Variants in INSR observed in about 807,000 individuals in gnomAD.
INSR encodes insulin receptor.
A neutral mutation model predicts 142.6 loss-of-function variants in INSR; 67 were observed. The observed-to-expected ratio is 0.47, with a 90% CI of 0.39 to 0.58. INSR has a LOEUF of 0.58. INSR is among the 20% of genes least tolerant of loss of function. INSR has a pLI of 0.00. For missense variants in INSR, 1,248 were observed against 1,833.2 expected (o/e 0.68, Z 5.83); for synonymous variants, 756 against 743.1 (o/e 1.02, Z -0.28).
intron 12 of INSR, 145 bp downstream of exon 12, chr19:7,142,671 C>A (rs9789298): frequency 1.2e-5 from 12 of 984,684 alleles, no homozygotes; most frequent in African/African-American, 3.2e-5. Context: ...CCAGCCTGGG[C>A]GACAGAGCAA....
Position 7,189,367 on chromosome 19 carries a change from A to T in INSR, c.653-4730T>A, listed in dbSNP as rs558743929. Among the ~76,000 whole-genome samples, 122 of 152,360 alleles carry T rather than the reference A, an allele frequency of 8.0e-4. 1 individual carries two copies. In the South Asian group the frequency reaches 0.019, roughly 24 times the overall value. Reference sequence around the variant, plus strand: ...AAGGCCAGAGGCTGCGAGACTTTGCAATCCTGTGTTGGAGCCCTAGCTGAC... The same window carrying T: ...AAGGCCAGAGGCTGCGAGACTTTGCTATCCTGTGTTGGAGCCCTAGCTGAC... On this transcript the variant is annotated intron_variant, in intron 2 of 21. Coordinates refer to ENST00000302850, the MANE Select transcript of INSR (RefSeq NM_000208.4).
rs1327875347 is a variant in INSR, at chr19:7,124,262, G to A, written c.3258+1021C>T. 5.3e-5 allele frequency among the ~76,000 whole-genome samples: 8 copies of A among 151,220 alleles called. No individual in the cohort carries two copies. The East Asian group carries it at 7.9e-4, about 15-fold the overall frequency. ...CAGGCACCTGCAGTCCCAGCTACTC[G>A]GGAGGCTGAGGCAGGATAATTGCTT... On this transcript the variant is annotated intron_variant, in intron 17 of 21. Coordinates refer to ENST00000302850, the MANE Select transcript of INSR (RefSeq NM_000208.4).
chr19:7,143,098 G>A lies in INSR; in HGVS notation c.2268-8C>T, dbSNP rs372797637. On this transcript the variant is annotated splice_polypyrimidine_tract_variant and splice_region_variant and intron_variant, in intron 11 of 21. Coordinates refer to ENST00000302850, the MANE Select transcript of INSR (RefSeq NM_000208.4). The stretch of plus-strand genomic sequence containing the variant: ...CTGCGTTTCCGAGATGGCCTGGAAC[G>A]ACAGTAGGACATGTATGATGACACC... 43 of 1,613,930 alleles carry A rather than the reference G, an allele frequency of 2.7e-5. No homozygotes were observed. Among genetic ancestry groups the A allele is most frequent in the Middle Eastern group, 1.6e-4 (1 of 6,084 alleles).
At chr19:7,205,056 C>T (rs1433284370) in intron 2 of INSR, among the ~76,000 whole-genome samples, 1 of 152,338 alleles carries the variant, frequency 6.6e-6, no homozygotes, top group East Asian at 1.9e-4. Context: ...TGCACTCCAG[C>T]TTGGGCAACA....
chr19:7,122,493 A>G, intron 19 of INSR, 121 bp downstream of exon 19: 1 of 1,037,296 alleles, frequency 9.6e-7, no homozygotes, highest in Non-Finnish European at 1.4e-6. Context: ...ACAAAAAAAA[A>G]AGAAGTATCT....
chr19:7,165,532 G>T (rs190444773), intron 8 of INSR, among the ~76,000 whole-genome samples: 1 of 151,914 alleles, frequency 6.6e-6, no homozygotes, highest in Non-Finnish European at 1.5e-5. Context: ...CTACTGCCTC[G>T]TCTGAAACTA....
chr19:7,215,935 C>A (rs553408766), intron 2 of INSR, among the ~76,000 whole-genome samples: 1 of 152,016 alleles, frequency 6.6e-6, no homozygotes, highest in Non-Finnish European at 1.5e-5. Flanking sequence ...TGAACATATT[C>A]GAATCACAAA....
intron 2 of INSR, among the ~76,000 whole-genome samples, chr19:7,203,290 A>G (rs1246651412): frequency 2.0e-5 from 3 of 152,090 alleles, no homozygotes; most frequent in African/African-American, 7.2e-5. Context: ...AAACCATGCA[A>G]AAGCTCTCCC....
intron 13 of INSR, among the ~76,000 whole-genome samples, chr19:7,134,436 G>T (rs1213028639): frequency 7.1e-6 from 1 of 139,902 alleles, no homozygotes; most frequent in Non-Finnish European, 1.5e-5. Context: ...CTTTGCCACG[G>T]TGCTGCCTTT....
chr19:7,127,283 C>A (rs10408374), intron 15 of INSR, among the ~76,000 whole-genome samples: 1 of 151,968 alleles, frequency 6.6e-6, no homozygotes, highest in Admixed American at 6.5e-5. Context: ...GAGCTCATCC[C>A]GACTGATGAG....
intron 2 of INSR, among the ~76,000 whole-genome samples, chr19:7,206,484 T>G (rs1180191494): frequency 6.6e-6 from 1 of 152,206 alleles, no homozygotes; most frequent in Non-Finnish European, 1.5e-5. Context: ...CACTCCTCAT[T>G]GCTTGCATGA....
In INSR at chr19:7,235,086, A is replaced by G. The variant is rs560525943; in HGVS notation, c.652+32259T>C. ...AAATAATAATAATAATAATAACAAA[A>G]TAAAAAAAATTTCTGGAAATAGACT... On this transcript the variant is annotated intron_variant, in intron 2 of 21. Coordinates refer to ENST00000302850, the MANE Select transcript of INSR (RefSeq NM_000208.4). 2.4e-4 allele frequency among the ~76,000 whole-genome samples: 36 copies of G among 152,174 alleles called. 1 individual carries two copies. The South Asian group carries it at 7.3e-3, about 31-fold the overall frequency.
At chr19:7,230,041 C>T (rs1975920670) in intron 2 of INSR, among the ~76,000 whole-genome samples, 1 of 152,128 alleles carries the variant, frequency 6.6e-6, no homozygotes, top group African/African-American at 2.4e-5. Flanking sequence ...AGTCTTCTGC[C>T]TCAACCTCCC....
chr19:7,203,872 G>T (rs892323649), intron 2 of INSR, among the ~76,000 whole-genome samples: 1 of 152,174 alleles, frequency 6.6e-6, no homozygotes, highest in African/African-American at 2.4e-5. Context: ...CAGGATGACT[G>T]CTTTAACTTT....
rs1296810408 is a variant in INSR at position 7,113,589 on chromosome 19, A to G, written c.*3467T>C. 6.6e-6 allele frequency: 1 copy of G among 152,224 alleles called. No homozygotes were observed. Among genetic ancestry groups the G allele is most frequent in the Admixed American group, 6.5e-5 (1 of 15,276 alleles). 9.4% of individuals were successfully genotyped at this position (152,224 alleles called of 1,614,324 possible). ...TACATTAATGAAAAGGGTTTTAATC[A>G]TAGTGAGACATCTTTAAGAACAAGC... On this transcript the variant is annotated 3_prime_UTR_variant, in exon 22 of 22. Transcript: ENST00000302850.
At chr19:7,204,112 G>A (rs561443223) in intron 2 of INSR, among the ~76,000 whole-genome samples, 372 of 151,160 alleles carry the variant, frequency 2.5e-3, no homozygotes, top group Non-Finnish European at 3.9e-3. Flanking sequence ...ACAGGCTCCC[G>A]GCTCACTGCA....
At chr19:7,124,604 T>A (rs1361952937) in intron 17 of INSR, among the ~76,000 whole-genome samples, 7 of 36,280 alleles carry the variant, frequency 1.9e-4, no homozygotes, top group East Asian at 8.0e-4. Context: ...TATATATATA[T>A]ATATATATAT....
intron 2 of INSR, among the ~76,000 whole-genome samples, chr19:7,264,900 G>T (rs1302816218): frequency 6.6e-6 from 1 of 152,172 alleles, no homozygotes; most frequent in African/African-American, 2.4e-5. Context: ...TCCCATGGAA[G>T]GACTCATGCT....
intron 10 of INSR, chr19:7,152,512 CTT>C (rs1325815185): frequency 5.0e-5 from 31 of 618,284 alleles, no homozygotes; most frequent in Non-Finnish European, 5.8e-6. Context: ...CATTTTTCCC[CTT>C]TTGTGCGATT....
Sources: gnomAD v4.1 joint callset for allele counts (sites outside exome capture counted in the v4.1 genomes callset) on GRCh38, gnomAD v4.1.1 for gene constraint, MANE v1.5 for transcripts, NCBI Gene and HGNC (gene_info 2026-07-23, HGNC 2026-07-21) for gene names.